The following CLASRP variants were observed in gnomAD, a reference collection of about 807,000 sequenced individuals.
CLASRP encodes the protein CLK4 associating serine/arginine rich protein, also known as CLK4-associating serine/arginine rich protein.
A neutral mutation model predicts 99.9 loss-of-function variants in CLASRP; 52 were observed. The observed-to-expected ratio is 0.52, with a 90% CI of 0.42 to 0.66. The LOEUF (loss-of-function observed/expected upper bound fraction) is 0.66, where lower values mean the gene tolerates loss of function less well. Ranked by LOEUF, CLASRP falls within the 30% of genes least tolerant of loss-of-function variation. CLASRP has a pLI of 0.00. For missense variants in CLASRP, 848 were observed against 999.2 expected, an observed-to-expected ratio of 0.85 and a Z score of 2.04; for synonymous variants, 379 against 373.0, an observed-to-expected ratio of 1.02 and a Z score of -0.18.
intron 16 of CLASRP, 127 bp from the exon 17 acceptor site, chr19:45,068,939 A>G (rs1967164379): frequency 3.4e-6 from 3 of 871,068 alleles, no homozygotes; most frequent in South Asian, 3.1e-5. Context: ...GCAGTGAGCC[A>G]AGATCACGCC....
In CLASRP at chr19:45,060,271, T is replaced by TA; in HGVS notation, c.711-117dup. The TA allele has an allele frequency of 1.2e-6, 1 of 815,060 alleles. No homozygotes were observed. Among genetic ancestry groups the TA allele is most frequent in the Admixed American group, 2.0e-5 (1 of 49,554 alleles). 50.5% of individuals were successfully genotyped at this position (815,060 alleles called of 1,614,324 possible). A position where few individuals can be genotyped will look rare whatever the true frequency, so the allele number is the denominator to read the frequency against. On this transcript the variant is annotated intron_variant, in intron 8 of 20. Coordinates refer to ENST00000221455, the MANE Select transcript of CLASRP (RefSeq NM_007056.3). This position sits in a 1 kb window ranked among gnomAD's most constrained non-coding sequence, Gnocchi z 4.6. ...TTGATAAGTGGCATTGAATGAAAGA[T>TA]ACCTCAGGCTGGCGTGGGGTGACTC...
chr19:45,042,304 C>T (rs11669520), intron 2 of CLASRP, among the ~76,000 whole-genome samples: 73,425 of 151,750 alleles, frequency 0.48, 17,971 homozygotes, highest in Non-Finnish European at 0.53. Flanking sequence ...GAAAGGCCTC[C>T]TGGACTCTTC....
chr19:45,060,243 T>C lies in CLASRP; in HGVS notation c.711-146T>C. 1.5e-6 allele frequency: 1 copy of C among 678,008 alleles called. No homozygotes were observed. The highest frequency in any genetic ancestry group is 2.7e-5 in the East Asian group (1 of 36,712). The allele number at this position is 678,008 out of a possible 1,614,324, so 42.0% of individuals were successfully genotyped here. On this transcript the variant is annotated intron_variant, in intron 8 of 20. Coordinates refer to ENST00000221455, the MANE Select transcript of CLASRP (RefSeq NM_007056.3). The surrounding 1 kb of genome is among the most constrained non-coding windows in gnomAD (Gnocchi z 4.6). Reference sequence around the variant, plus strand: ...AAGATAGCACCTGGCACACAGAGGGTGCTTGATAAGTGGCATTGAATGAAA... The same window carrying C: ...AAGATAGCACCTGGCACACAGAGGGCGCTTGATAAGTGGCATTGAATGAAA...
At chr19:45,045,660 C>G (rs1486642366) in intron 2 of CLASRP, among the ~76,000 whole-genome samples, 2 of 152,114 alleles carry the variant, frequency 1.3e-5, no homozygotes, top group African/African-American at 4.8e-5. Context: ...ATTTGGAGTT[C>G]TGTTACTGTT....
Position 45,067,590 on chromosome 19 carries a change from A to C in CLASRP, c.1663A>C (p.Lys555Gln). Reference protein sequence around the residue: ...AASPAVGEKLKKTEPAAGKET... With the variant: ...AASPAVGEKLQKTEPAAGKET... ...GTCCCCTGCTGTGGGCGAGAAGCTG[A>C]AAAAGTGAGCGGGGCGGGTCTGGAG... The change falls in exon 14 of 21, where the codon AAA becomes CAA. Residue 555 changes from lysine to glutamine, a missense_variant. By Grantham distance (53) the Lys-to-Gln change is moderately conservative (BLOSUM62 1). Transcript: ENST00000221455. This position sits in a 1 kb window ranked among gnomAD's most constrained non-coding sequence, Gnocchi z 4.9. 1 of 1,595,670 alleles carries C rather than the reference A, an allele frequency of 6.3e-7. No individual in the cohort carries two copies. The highest frequency in any genetic ancestry group is 8.5e-7 in the Non-Finnish European group (1 of 1,172,282).
At chr19:45,057,515 A>G (rs1972142169) in intron 6 of CLASRP, among the ~76,000 whole-genome samples, 1 of 152,174 alleles carries the variant, frequency 6.6e-6, no homozygotes, top group South Asian at 2.1e-4. Flanking sequence ...TGGGGAGCTC[A>G]GGACAGTGCT....
chr19:45,053,397 C>T (rs762384724), intron 5 of CLASRP, among the ~76,000 whole-genome samples: 2 of 152,154 alleles, frequency 1.3e-5, no homozygotes, highest in Non-Finnish European at 2.9e-5. Context: ...AGCAGAGTCA[C>T]GTCCATATAC....
chr19:45,064,487 G>GTCCCGCTCCCGCTCCCGC lies in CLASRP; in HGVS notation c.1272_1289dup (p.Ser425_Arg430dup), dbSNP rs745561616. Reference sequence around the variant, plus strand: ...ACGCCCGCTCCCGGTCCCGCTCCTGGTCCCGCTCCCGCTCCCGCTCCCGGC... The same window carrying GTCCCGCTCCCGCTCCCGC: ...ACGCCCGCTCCCGGTCCCGCTCCTGGTCCCGCTCCCGCTCCCGCTCCCGCTCCCGCTCCCGCTCCCGGC... On this transcript the variant is annotated inframe_insertion, in exon 13 of 21. Coordinates refer to ENST00000221455, the MANE Select transcript of CLASRP (RefSeq NM_007056.3). The GTCCCGCTCCCGCTCCCGC allele has an allele frequency of 3.9e-6, 6 of 1,533,850 alleles. No homozygotes were observed. The South Asian group carries it at 7.2e-5, about 18-fold the overall frequency.
At chr19:45,041,560 T>C (rs147630790) in intron 2 of CLASRP, among the ~76,000 whole-genome samples, 2 of 152,186 alleles carry the variant, frequency 1.3e-5, no homozygotes, top group Non-Finnish European at 2.9e-5. Context: ...TTCCCAGTTA[T>C]TCCTGTATTA....
rs374822691 is a variant in CLASRP at position 45,059,403 on chromosome 19, G to T, written c.710+39G>T. On this transcript the variant is annotated intron_variant, in intron 8 of 20. Transcript: ENST00000221455. ...GCTGACACCCCTACCCATTCTGTGG[G>T]CCCCACCCTGGCATCTCACTATTAC... 1.7e-4 allele frequency: 252 copies of T among 1,494,268 alleles called. 1 individual carries two copies. Among genetic ancestry groups the T allele is most frequent in the South Asian group, 1.3e-3 (109 of 83,412 alleles). The allele number at this position is 1,494,268 out of a possible 1,614,324, so 92.6% of individuals were successfully genotyped here.
At chr19:45,056,631 C>A (rs1220100924) in intron 6 of CLASRP, 97 bp downstream of exon 6, 5 of 951,866 alleles carry the variant, frequency 5.3e-6, no homozygotes, top group Non-Finnish European at 6.7e-6. Flanking sequence ...CAGGGTCTCC[C>A]CGAAACCAAG....
rs757630136 is a variant in CLASRP, at chr19:45,070,852, GA to G, written c.*8del. The G allele has an allele frequency of 3.2e-5, 50 of 1,543,928 alleles. No individual in the cohort carries two copies. The highest frequency in any genetic ancestry group is 4.1e-5 in the Non-Finnish European group (46 of 1,120,408). ...CCCCCATTACCGACATTAGGCAGAA[GA>G]GTGGGGGGTGGGGAGGACAAGGGGG... On this transcript the variant is annotated 3_prime_UTR_variant, in exon 21 of 21. Coordinates refer to ENST00000221455, the MANE Select transcript of CLASRP (RefSeq NM_007056.3).
intron 16 of CLASRP, among the ~76,000 whole-genome samples, 200 bp downstream of exon 16, chr19:45,068,680 C>CTT (rs1202867033): frequency 6.6e-6 from 1 of 152,224 alleles, no homozygotes; most frequent in Non-Finnish European, 1.5e-5. Context: ...GTTGACCTGT[C>CTT]TGAGCTCAGC....
At chr19:45,042,807 G>A (rs1367593406) in intron 2 of CLASRP, among the ~76,000 whole-genome samples, 1 of 152,000 alleles carries the variant, frequency 6.6e-6, no homozygotes, top group Admixed American at 6.6e-5. Context: ...GGTAGAGACA[G>A]GGTTTCACCA....
At chr19:45,057,322 C>T (rs1972138173) in intron 6 of CLASRP, among the ~76,000 whole-genome samples, 1 of 152,144 alleles carries the variant, frequency 6.6e-6, no homozygotes, top group Admixed American at 6.5e-5. Flanking sequence ...CTGGGAGCTT[C>T]TTGGAGACTT....
intron 2 of CLASRP, 21 bp from the exon 3 acceptor site, chr19:45,052,050 C>G: frequency 6.2e-7 from 1 of 1,606,864 alleles, no homozygotes; most frequent in Non-Finnish European, 8.5e-7. Flanking sequence ...GTGGTGACCT[C>G]AGTCCTGTTT....
intron 6 of CLASRP, 106 bp from the exon 7 acceptor site, chr19:45,057,644 A>G (rs1972144273): frequency 2.3e-6 from 3 of 1,312,374 alleles, no homozygotes; most frequent in South Asian, 1.3e-5. Context: ...GCTGAGGGAG[A>G]GCCTGAGGGG....
In CLASRP at chr19:45,067,715, GC is replaced by G; in HGVS notation, c.1667+124del. 1.0e-6 allele frequency: 1 copy of G among 962,046 alleles called. No individual in the cohort carries two copies. The allele number at this position is 962,046 out of a possible 1,614,324, so 59.6% of individuals were successfully genotyped here. On this transcript the variant is annotated intron_variant, in intron 14 of 20. Transcript: ENST00000221455. The surrounding 1 kb of genome is among the most constrained non-coding windows in gnomAD (Gnocchi z 4.9). Reference sequence around the variant, plus strand: ...TGGGAGGTCTGGGGGGTGGTGTATGGCCCTGGCCTGGGAGGGTGGATTTCAG... The same window carrying G: ...TGGGAGGTCTGGGGGGTGGTGTATGGCCTGGCCTGGGAGGGTGGATTTCAG...
intron 8 of CLASRP, among the ~76,000 whole-genome samples, chr19:45,059,889 G>T (rs1966900802): frequency 6.6e-6 from 1 of 152,016 alleles, no homozygotes; most frequent in Non-Finnish European, 1.5e-5. Flanking sequence ...TACCCATCTG[G>T]TCCTCTCAAC....
Sources: gnomAD v4.1 joint callset for allele counts (sites outside exome capture counted in the v4.1 genomes callset) on GRCh38, gnomAD v4.1.1 for gene constraint, Gnocchi (gnomAD v3.1) non-coding constraint, MANE v1.5 for transcripts, NCBI Gene and HGNC (gene_info 2026-07-23, HGNC 2026-07-21) for gene names.